Variants in FAM228B observed in about 807,000 individuals in gnomAD.
The protein encoded by FAM228B is family with sequence similarity 228 member B.
Under a neutral mutation model 42.6 loss-of-function variants are expected in FAM228B, and 38 were observed. The observed-to-expected ratio is 0.89, with a 90% CI of 0.69 to 1.17. The LOEUF is 1.17. FAM228B is among the 50% of genes most tolerant of loss of function. The pLI is 0.00. For synonymous variants in FAM228B, 109 were observed against 122.3 expected (o/e 0.89, Z 0.72); for missense variants, 344 against 367.3 (o/e 0.94, Z 0.52).
chr2:24,168,575 T>C (rs1284889740), intron 10 of FAM228B, among the ~76,000 whole-genome samples: 1 of 151,908 alleles, frequency 6.6e-6, no homozygotes, highest in Admixed American at 6.6e-5. Context: ...CAGGAGAGAA[T>C]TGGGGTGAGG....
chr2:24,120,352 T>A (rs777625437), upstream of FAM228B, among the ~76,000 whole-genome samples: 16 of 152,142 alleles, frequency 1.1e-4, no homozygotes, highest in Non-Finnish European at 1.8e-4. Flanking sequence ...ATTGGACAGC[T>A]CTGGGCTTGA....
intron 2 of FAM228B, among the ~76,000 whole-genome samples, chr2:24,091,675 G>A (rs1331469805): frequency 1.3e-5 from 2 of 152,076 alleles, no homozygotes; most frequent in Admixed American, 1.3e-4. Context: ...CATAAGGAAT[G>A]TATTTAACAA....
chr2:24,110,794 C>G (rs1445355037), intron 3 of FAM228B, among the ~76,000 whole-genome samples: 1 of 152,120 alleles, frequency 6.6e-6, no homozygotes, highest in Non-Finnish European at 1.5e-5. Context: ...CCAGGTCAGA[C>G]AGAAGTGTGG....
rs1281194777 is a variant in FAM228B at position 24,125,567 on chromosome 2, CTTTTCT to C, written c.99+1117_99+1122del. 2.6e-5 allele frequency among the ~76,000 whole-genome samples: 4 copies of C among 151,542 alleles called. No individual in the cohort carries two copies. The East Asian group carries it at 7.7e-4, about 29-fold the overall frequency. On this transcript the variant is annotated intron_variant, in intron 2 of 10. Coordinates refer to ENST00000615575, the MANE Select transcript of FAM228B (RefSeq NM_001145710.2). ...TTCTTTCATTCTTTCTCTCTCTTTC[CTTTTCT>C]TTTTCTTTTCTTTCTTTCGCTCTAT...
intron 2 of FAM228B, among the ~76,000 whole-genome samples, chr2:24,092,941 C>T (rs1665421073): frequency 1.3e-5 from 2 of 151,044 alleles, no homozygotes; most frequent in African/African-American, 4.9e-5. Flanking sequence ...CACACACACA[C>T]ACACACACAC....
At chr2:24,120,624 C>T (rs2339944), upstream of FAM228B, among the ~76,000 whole-genome samples, 205 of 152,184 alleles carry the variant, frequency 1.3e-3, no homozygotes, top group African/African-American at 4.4e-3. Context: ...GGCACGATCT[C>T]GGCTCACTGC....
intron 2 of FAM228B, among the ~76,000 whole-genome samples, chr2:24,086,234 CAAAAAAA>C (rs57641176): frequency 1.6e-5 from 1 of 63,944 alleles, no homozygotes; most frequent in African/African-American, 6.0e-5. Flanking sequence ...GACTCCGTCT[CAAAAAAA>C]AAAAAAAAAA....
intron 4 of FAM228B, among the ~76,000 whole-genome samples, chr2:24,138,945 CAA>C (rs35466262): frequency 6.1e-4 from 82 of 134,138 alleles, no homozygotes; most frequent in African/African-American, 1.9e-3. Flanking sequence ...GACTCTGTCT[CAA>C]AAAAAAAAAA....
intron 2 of FAM228B, among the ~76,000 whole-genome samples, chr2:24,087,541 G>A (rs1285892764): frequency 1.3e-5 from 2 of 152,090 alleles, no homozygotes; most frequent in Admixed American, 1.3e-4. Flanking sequence ...ATAGCTTCAG[G>A]ATGAGCTGGT....
intron 9 of FAM228B, among the ~76,000 whole-genome samples, chr2:24,166,222 C>T (rs1028475862): frequency 6.6e-6 from 1 of 151,534 alleles, no homozygotes; most frequent in Non-Finnish European, 1.5e-5. Context: ...GGAGCTTCTC[C>T]CTCCAGTTCT....
intron 5 of FAM228B, chr2:24,142,848 G>A (rs963393122): frequency 6.6e-6 from 1 of 152,208 alleles, no homozygotes; most frequent in South Asian, 2.1e-4. Context: ...GATGAAATTG[G>A]TACTGATATT....
chr2:24,081,952 C>G (rs1665025493), intron 2 of FAM228B, among the ~76,000 whole-genome samples: 1 of 152,102 alleles, frequency 6.6e-6, no homozygotes, highest in Non-Finnish European at 1.5e-5. Flanking sequence ...ACCTCAGCCG[C>G]CCAAAGTGCT....
At chr2:24,088,421 G>A (rs1278674949) in intron 2 of FAM228B, among the ~76,000 whole-genome samples, 1 of 152,052 alleles carries the variant, frequency 6.6e-6, no homozygotes, top group African/African-American at 2.4e-5. Context: ...GGTGATCTCG[G>A]CTCACTGCAA....
At chr2:24,151,583 C>T (rs537945212) in intron 7 of FAM228B, among the ~76,000 whole-genome samples, 6 of 150,996 alleles carry the variant, frequency 4.0e-5, no homozygotes, top group African/African-American at 1.5e-4. Flanking sequence ...TGAGCCACTG[C>T]ACCCGGCCTC....
In FAM228B at chr2:24,077,291, T is replaced by C. The variant is rs1273534577; in HGVS notation, c.-290+322T>C. Reference sequence around the variant, plus strand: ...TGGCGGCTTGTGTCACGGCTGACGCTGTAACTATACCCAGAATCTCCGTCC... The same window carrying C: ...TGGCGGCTTGTGTCACGGCTGACGCCGTAACTATACCCAGAATCTCCGTCC... On this transcript the variant is annotated intron_variant, in intron 1 of 10. Coordinates refer to the FAM228B transcript ENST00000613899. This position sits in a 1 kb window ranked among gnomAD's most constrained non-coding sequence, Gnocchi z 5.5. 3 of 298,512 alleles carry C rather than the reference T, an allele frequency of 1.0e-5. No homozygotes were observed. The highest frequency in any genetic ancestry group is 9.0e-5 in the Admixed American group (2 of 22,140). The allele number at this position is 298,512 out of a possible 1,614,324, so 18.5% of individuals were successfully genotyped here.
Position 24,106,316 on chromosome 2 carries a change from CT to C in FAM228B, c.-121+11109del, listed in dbSNP as rs386389714. Reference sequence around the variant, plus strand: ...AGACTGGTGGCCTATATTCAGCATTCTTTTTTTTTTTTTTTTTTTTTTGAGA... The same window carrying C: ...AGACTGGTGGCCTATATTCAGCATTCTTTTTTTTTTTTTTTTTTTTTGAGA... On this transcript the variant is annotated intron_variant, in intron 3 of 10. Transcript: ENST00000613899. Among the ~76,000 whole-genome samples, 737 of 106,384 alleles carry C rather than the reference CT, an allele frequency of 6.9e-3. 8 individuals are homozygous for C. Among genetic ancestry groups the C allele is most frequent in the East Asian group, 0.06 (223 of 3,690 alleles). 69.8% of individuals were successfully genotyped at this position (106,384 alleles called of 152,430 possible).
intron 7 of FAM228B, 123 bp downstream of exon 7, chr2:24,147,209 A>T: frequency 1.5e-6 from 1 of 651,978 alleles, no homozygotes; most frequent in Non-Finnish European, 2.4e-6. Context: ...TTTGAGACAG[A>T]GTCTCACTCT....
chr2:24,085,472 A>C (rs1337322286), intron 2 of FAM228B, among the ~76,000 whole-genome samples: 1 of 152,040 alleles, frequency 6.6e-6, no homozygotes, highest in East Asian at 1.9e-4. Context: ...CCCCCACTAC[A>C]TATCCGTAGC....
At chr2:24,078,588 G>A (rs2150982386) in intron 1 of FAM228B, among the ~76,000 whole-genome samples, 1 of 152,184 alleles carries the variant, frequency 6.6e-6, no homozygotes, top group East Asian at 1.9e-4. Flanking sequence ...CTAAAGGGGG[G>A]TTACAGGTGA....
Sources: gnomAD v4.1 joint callset for allele counts (sites outside exome capture counted in the v4.1 genomes callset) on GRCh38, gnomAD v4.1.1 for gene constraint, Gnocchi (gnomAD v3.1) non-coding constraint, MANE v1.5 for transcripts, NCBI Gene and HGNC (gene_info 2026-07-23, HGNC 2026-07-21) for gene names.